Variants in SIPA1L1 observed in about 807,000 individuals in gnomAD.
SIPA1L1 encodes the protein signal-induced proliferation-associated 1-like protein 1.
SIPA1L1 carries 26 observed loss-of-function variants against 162.7 expected under a neutral mutation model. That is an observed-to-expected ratio of 0.16 (90% CI 0.12 to 0.22). SIPA1L1 has a LOEUF of 0.22. Among genes scored for constraint, SIPA1L1 ranks in the 10% least tolerant of loss-of-function variants. The pLI is 1.00. For synonymous variants in SIPA1L1, 829 were observed against 837.4 expected (o/e 0.99, Z 0.17); for missense variants, 1,874 against 2,241.0 (o/e 0.84, Z 3.31).
chr14:71,329,674 GAT>G (rs2034285725), intron 2 of SIPA1L1, among the ~76,000 whole-genome samples: 1 of 151,994 alleles, frequency 6.6e-6, no homozygotes, highest in Non-Finnish European at 1.5e-5. Flanking sequence ...TTATGATTTT[GAT>G]ATATGTTTCT....
chr14:71,658,328 T>C lies in SIPA1L1; in HGVS notation c.1994-5T>C. ...ATCTCATCATTATATTTTTTTTAAC[T>C]GTAGCTGACTCCACTGGAACCCATT... On this transcript the variant is annotated splice_region_variant and splice_polypyrimidine_tract_variant and intron_variant, in intron 8 of 23. Transcript: ENST00000381232. 6.8e-7 allele frequency: 1 copy of C among 1,479,598 alleles called. No homozygotes were observed. The highest frequency in any genetic ancestry group is 9.4e-7 in the Non-Finnish European group (1 of 1,058,398). 91.7% of individuals were successfully genotyped at this position (1,479,598 alleles called of 1,614,324 possible). A position where few individuals can be genotyped will look rare whatever the true frequency, so the allele number is the denominator to read the frequency against.
rs368439200 is a variant in SIPA1L1, at chr14:71,588,596, A to C, written c.724A>C (p.Lys242Gln). Residue 242 changes from lysine (K) to glutamine (Q), a missense_variant, in exon 5 of 24, where the codon AAG becomes CAG. Lys to Gln is a moderately conservative substitution (Grantham distance 53). Transcript: ENST00000381232. The surrounding 1 kb of genome is among the most constrained non-coding windows in gnomAD (Gnocchi z 4.3). ...ATCTGATCGAGGTCCAACTCCAACC[A>C]AGCTCAGTGACTTTCTCATTACTGG... ...DKSDRGPTPT[K>Q]LSDFLITGGG... 1 of 1,614,056 alleles carries C rather than the reference A, an allele frequency of 6.2e-7. No individual in the cohort carries two copies. Among genetic ancestry groups the C allele is most frequent in the Non-Finnish European group, 8.5e-7 (1 of 1,179,976 alleles).
chr14:71,355,595 T>A (rs970961803), intron 2 of SIPA1L1, among the ~76,000 whole-genome samples: 1 of 152,250 alleles, frequency 6.6e-6, no homozygotes, highest in African/African-American at 2.4e-5. Flanking sequence ...ATGTTTATTG[T>A]ATCCTCTTCT....
intron 17 of SIPA1L1, among the ~76,000 whole-genome samples, chr14:71,715,378 G>A (rs2083191875): frequency 6.6e-6 from 1 of 152,192 alleles, no homozygotes; most frequent in Non-Finnish European, 1.5e-5. Flanking sequence ...ACAAGCACAT[G>A]GTGACAAATG....
At chr14:71,719,521 C>T (rs2083529818) in intron 17 of SIPA1L1, among the ~76,000 whole-genome samples, 1 of 152,066 alleles carries the variant, frequency 6.6e-6, no homozygotes, top group South Asian at 2.1e-4. Context: ...TTTACATTTT[C>T]CTAGTAACCG....
At chr14:71,491,419 AC>A (rs2049239713) in intron 2 of SIPA1L1, among the ~76,000 whole-genome samples, 1 of 152,150 alleles carries the variant, frequency 6.6e-6, no homozygotes, top group Non-Finnish European at 1.5e-5. Flanking sequence ...TCTTCATGGA[AC>A]TTAATGGCTT....
At chr14:71,456,278 C>G (rs977885062) in intron 2 of SIPA1L1, among the ~76,000 whole-genome samples, 6 of 152,158 alleles carry the variant, frequency 3.9e-5, no homozygotes, top group Non-Finnish European at 7.4e-5. Context: ...AGAACAGACA[C>G]GCATTAACTG....
chr14:71,587,257 G>C (rs556176655), intron 4 of SIPA1L1, among the ~76,000 whole-genome samples: 1 of 152,130 alleles, frequency 6.6e-6, no homozygotes, highest in Non-Finnish European at 1.5e-5. Context: ...TGGAGCAAAA[G>C]TCTGTACTTT....
intron 4 of SIPA1L1, among the ~76,000 whole-genome samples, chr14:71,571,425 A>G (rs1212401270): frequency 1.3e-5 from 2 of 152,206 alleles, no homozygotes; most frequent in Non-Finnish European, 2.9e-5. Flanking sequence ...CAAGGACCAT[A>G]AAAAGAACAA....
chr14:71,543,701 C>CTT (rs561910140), intron 4 of SIPA1L1, among the ~76,000 whole-genome samples: 5 of 126,448 alleles, frequency 4.0e-5, no homozygotes, highest in Non-Finnish European at 8.6e-5. Context: ...TAACTTTTTT[C>CTT]TTTTTTTTTT....
chr14:71,564,282 A>T (rs2029864902), intron 4 of SIPA1L1, among the ~76,000 whole-genome samples: 1 of 151,400 alleles, frequency 6.6e-6, no homozygotes, highest in Non-Finnish European at 1.5e-5. Context: ...TTCTTTTATA[A>T]CTTAAAGTTA....
At chr14:71,639,153 T>A (rs1393422979) in intron 7 of SIPA1L1, among the ~76,000 whole-genome samples, 3 of 152,200 alleles carry the variant, frequency 2.0e-5, no homozygotes, top group African/African-American at 7.2e-5. Context: ...ACTTCTGTAA[T>A]CCTAGCGTTT....
chr14:71,323,558 A>G (rs889402856), intron 2 of SIPA1L1, among the ~76,000 whole-genome samples: 4 of 152,206 alleles, frequency 2.6e-5, no homozygotes, highest in East Asian at 1.9e-4. Flanking sequence ...TTCACTGACC[A>G]TATTAGATTT....
chr14:71,616,723 A>G (rs72729958), intron 5 of SIPA1L1, among the ~76,000 whole-genome samples: 22,695 of 152,114 alleles, frequency 0.15, 1,795 homozygotes, highest in East Asian at 0.28. Context: ...TCATTTGCCA[A>G]AATTGAGGAG....
At chr14:71,440,528 AG>A (rs1330572819) in intron 2 of SIPA1L1, among the ~76,000 whole-genome samples, 2 of 150,938 alleles carry the variant, frequency 1.3e-5, no homozygotes, top group African/African-American at 4.9e-5. Flanking sequence ...GGGTGCCTGT[AG>A]TCCCAGCTAC....
intron 4 of SIPA1L1, among the ~76,000 whole-genome samples, chr14:71,543,129 T>C (rs1190906101): frequency 6.6e-6 from 1 of 152,166 alleles, no homozygotes; most frequent in African/African-American, 2.4e-5. Context: ...CCATCCACTC[T>C]CAGATCTTTT....
chr14:71,543,841 T>C (rs374512119), intron 4 of SIPA1L1, among the ~76,000 whole-genome samples: 272 of 149,428 alleles, frequency 1.8e-3, no homozygotes, highest in South Asian at 9.6e-3. Context: ...ATATATCATA[T>C]GTATGTGTAT....
chr14:71,650,265 C>CT, intron 7 of SIPA1L1, 70 bp from the exon 8 acceptor site: 1 of 1,518,896 alleles, frequency 6.6e-7, no homozygotes, highest in South Asian at 1.1e-5. Context: ...CCTATAGGAC[C>CT]TTTTAGCATT....
intron 8 of SIPA1L1, among the ~76,000 whole-genome samples, chr14:71,650,742 G>A (rs980553863): frequency 6.6e-6 from 1 of 152,084 alleles, no homozygotes; most frequent in African/African-American, 2.4e-5. Flanking sequence ...TGCATGGAGT[G>A]GGGCAGTGAC....
Sources: gnomAD v4.1 joint callset for allele counts (sites outside exome capture counted in the v4.1 genomes callset) on GRCh38, gnomAD v4.1.1 for gene constraint, Gnocchi (gnomAD v3.1) non-coding constraint, MANE v1.5 for transcripts, NCBI Gene and HGNC (gene_info 2026-07-23, HGNC 2026-07-21) for gene names.